Variants in SMIM23 observed in about 807,000 individuals in gnomAD.
SMIM23 encodes small integral membrane protein 23.
In SMIM23, 10 loss-of-function variants were observed where a neutral mutation model predicts 12.8. That is an observed-to-expected ratio of 0.78 (90% CI 0.48 to 1.32). SMIM23 has a LOEUF of 1.32. Ranked by LOEUF, SMIM23 falls within the 40% of genes most tolerant of loss-of-function variation. The pLI is 0.00. For missense variants in SMIM23, 184 were observed against 198.2 expected (o/e 0.93, Z 0.43); for synonymous variants, 78 against 80.1 (o/e 0.97, Z 0.14).
Position 171,790,256 on chromosome 5 carries a change from G to T in SMIM23, c.132G>T (p.Val44=). ...CGCTGTTGGCATTGCTGATCTTGGTGCTGTACTTGAGCACAGAGATATGGG... is the reference window on the plus strand; with the variant it reads ...CGCTGTTGGCATTGCTGATCTTGGTTCTGTACTTGAGCACAGAGATATGGG... ...KQTLLALLIL[V]LYLSTEIWGS... is the part of the protein sequence containing the mutation. Residue 44 remains valine, a synonymous_variant, in exon 2 of 4, where the codon GTG becomes GTT. Coordinates refer to ENST00000523047, the MANE Select transcript of SMIM23 (RefSeq NM_001289970.2). The T allele has an allele frequency of 6.5e-7, 1 of 1,536,094 alleles. No individual in the cohort carries two copies. The highest frequency in any genetic ancestry group is 1.2e-5 in the South Asian group (1 of 84,058).
At chr5:171,774,357 C>G in the SMIM23 span, 4 of 453,910 alleles carry the variant, frequency 8.8e-6, no homozygotes, top group South Asian at 6.2e-5. Context: ...GAAACTGAGC[C>G]AGCAGAGAGA....
At chr5:171,774,601 G>GCCCCA in the SMIM23 span, 4 of 439,600 alleles carry the variant, frequency 9.1e-6, no homozygotes, top group East Asian at 7.5e-5. Context: ...ACCCTGCCCT[G>GCCCCA]CCCCACCCCA....
the SMIM23 span, among the ~76,000 whole-genome samples, chr5:171,776,862 C>A: frequency 6.6e-6 from 1 of 152,206 alleles, no homozygotes; most frequent in Admixed American, 6.5e-5. Context: ...ACACTCCAAC[C>A]TTTTCCAGTC....
chr5:171,772,857 T>A, the SMIM23 span, among the ~76,000 whole-genome samples: 1 of 152,174 alleles, frequency 6.6e-6, no homozygotes, highest in African/African-American at 2.4e-5. Flanking sequence ...TCCAGACAAG[T>A]GGTTTTCTCA....
rs2113648776 is a variant in SMIM23 at position 171,785,906 on chromosome 5, T to G, written c.35T>G (p.Val12Gly). Residue 12 changes from valine to glycine, a missense_variant, in exon 1 of 4, where the codon GTG becomes GGG. Coordinates refer to ENST00000523047, the MANE Select transcript of SMIM23 (RefSeq NM_001289970.2). ...CAGCAAGTGGACAGCAGAAGGCAGG[T>G]GGCAGCAGAGCAGGTGGCAGCCCAG... ...ATQQVDSRRQ[V>G]AAEQVAAQLL... The G allele has an allele frequency of 6.5e-7, 1 of 1,536,206 alleles. No homozygotes were observed. Among genetic ancestry groups the G allele is most frequent in the Non-Finnish European group, 8.7e-7 (1 of 1,146,910 alleles).
At chr5:171,785,738 A>T, upstream of SMIM23, 1 of 659,638 alleles carries the variant, frequency 1.5e-6, no homozygotes, top group Non-Finnish European at 2.7e-6. Flanking sequence ...GAAAGGTGGG[A>T]ACCTTGCTGT....
At position 171,791,107 on chromosome 5, in the gene SMIM23, G is replaced by C; in HGVS notation, c.*19G>C. On this transcript the variant is annotated 3_prime_UTR_variant, in exon 4 of 4. Coordinates refer to ENST00000523047, the MANE Select transcript of SMIM23 (RefSeq NM_001289970.2). ...GCTCTGACTCTTGAAGTTCCAGTCA[G>C]GCAAGAAAATAAAGTAGTTGGGAAA... 1 of 1,457,494 alleles carries C rather than the reference G, an allele frequency of 6.9e-7. No homozygotes were observed. Among genetic ancestry groups the C allele is most frequent in the Non-Finnish European group, 9.0e-7 (1 of 1,112,258 alleles). The allele number at this position is 1,457,494 out of a possible 1,614,324, so 90.3% of individuals were successfully genotyped here.
At chr5:171,777,987 C>T (rs1336343845), upstream of SMIM23, among the ~76,000 whole-genome samples, 7 of 152,212 alleles carry the variant, frequency 4.6e-5, no homozygotes, top group African/African-American at 7.2e-5. Context: ...TACTCACATC[C>T]TAATCCCTTG....
the SMIM23 span, among the ~76,000 whole-genome samples, chr5:171,776,074 T>C: frequency 6.6e-6 from 1 of 152,204 alleles, no homozygotes; most frequent in Non-Finnish European, 1.5e-5. Context: ...TTTCGCCATG[T>C]TGGCCAGGCT....
chr5:171,774,957 G>T, the SMIM23 span, among the ~76,000 whole-genome samples: 19 of 152,220 alleles, frequency 1.2e-4, no homozygotes, highest in East Asian at 2.9e-3. Flanking sequence ...TCAGACCCCT[G>T]GGGAAAGGGA....
upstream of SMIM23, among the ~76,000 whole-genome samples, chr5:171,777,614 T>G (rs973444666): frequency 3.9e-5 from 6 of 152,218 alleles, no homozygotes; most frequent in African/African-American, 1.4e-4. Context: ...ACTGAGCTTC[T>G]ACTCAGTGGC....
chr5:171,773,671 C>T, the SMIM23 span: 3 of 406,490 alleles, frequency 7.4e-6, no homozygotes, highest in East Asian at 2.1e-4. Context: ...CAAGACCAGG[C>T]AGGCATAGTG....
upstream of SMIM23, among the ~76,000 whole-genome samples, chr5:171,784,379 C>A (rs186775776): frequency 6.6e-6 from 1 of 152,034 alleles, no homozygotes; most frequent in African/African-American, 2.4e-5. Flanking sequence ...GTGGCGGGTG[C>A]CTGTAGTCCC....
upstream of SMIM23, among the ~76,000 whole-genome samples, chr5:171,780,680 G>C (rs1184632755): frequency 6.6e-6 from 1 of 152,096 alleles, no homozygotes; most frequent in South Asian, 2.1e-4. Context: ...ACCAGATAAA[G>C]CCCAAGAGCC....
chr5:171,790,339 T>C lies in SMIM23; in HGVS notation c.157+58T>C, dbSNP rs1755898751. The C allele has an allele frequency of 3.3e-6, 5 of 1,528,624 alleles. No individual in the cohort carries two copies. In the East Asian group the frequency reaches 7.3e-5, roughly 22 times the overall value. The allele number at this position is 1,528,624 out of a possible 1,614,324, so 94.7% of individuals were successfully genotyped here. On this transcript the variant is annotated intron_variant, in intron 2 of 3. Coordinates refer to ENST00000523047, the MANE Select transcript of SMIM23 (RefSeq NM_001289970.2). ...CAAATCCACATGAAGCTTGGTGGAG[T>C]GTTCCAAAGATGGTTGTATGTTAAG...
intron 1 of SMIM23, among the ~76,000 whole-genome samples, chr5:171,788,012 C>A (rs702078): frequency 0.011 from 1,705 of 151,800 alleles, 36 homozygotes; most frequent in African/African-American, 0.039. Context: ...AAGTTAGACA[C>A]ATCTTTCATC....
At chr5:171,784,633 T>C (rs570718646), upstream of SMIM23, among the ~76,000 whole-genome samples, 8 of 152,336 alleles carry the variant, frequency 5.3e-5, no homozygotes, top group Admixed American at 2.0e-4. Context: ...CAATTTCTTA[T>C]AAAACTATCA....
intron 1 of SMIM23, among the ~76,000 whole-genome samples, chr5:171,786,933 A>G (rs1755828609): frequency 6.6e-6 from 1 of 151,684 alleles, no homozygotes; most frequent in Non-Finnish European, 1.5e-5. Context: ...AAGTCCTGCA[A>G]CAAAGAAGTC....
intron 1 of SMIM23, among the ~76,000 whole-genome samples, chr5:171,789,260 T>A (rs958158405): frequency 6.6e-6 from 1 of 152,266 alleles, no homozygotes; most frequent in Non-Finnish European, 1.5e-5. Context: ...TAGAGTTTAC[T>A]GAAGAAGCTC....
Sources: gnomAD v4.1 joint callset for allele counts (sites outside exome capture counted in the v4.1 genomes callset) on GRCh38, gnomAD v4.1.1 for gene constraint, MANE v1.5 for transcripts, NCBI Gene and HGNC (gene_info 2026-07-23, HGNC 2026-07-21) for gene names.